Variants in IVD observed in about 807,000 individuals in gnomAD.
IVD encodes isovaleryl-CoA dehydrogenase, mitochondrial.
Under a neutral mutation model 51.3 loss-of-function variants are expected in IVD, and 31 were observed. The ratio of observed to expected loss-of-function variants is 0.60; its 90% confidence interval spans 0.45 to 0.81. IVD has a LOEUF of 0.81. Ranked by LOEUF, IVD falls within the 40% of genes least tolerant of loss-of-function variation. The pLI is 0.00. For missense variants in IVD, 475 were observed against 552.0 expected, an observed-to-expected ratio of 0.86 and a Z score of 1.40; for synonymous variants, 205 against 219.4, an observed-to-expected ratio of 0.93 and a Z score of 0.58.
At position 40,418,833 on chromosome 15, in the gene IVD, A is replaced by T. The variant is rs1237552427; in HGVS notation, c.*570A>T. 3.0e-6 allele frequency: 3 copies of T among 983,816 alleles called. No individual in the cohort carries two copies. Among genetic ancestry groups the T allele is most frequent in the Non-Finnish European group, 3.8e-6 (3 of 792,372 alleles). 60.9% of individuals were successfully genotyped at this position (983,816 alleles called of 1,614,324 possible). ...TTTCAGTCTCTTTTCTGGGGGAAAA[A>T]AATAATAAACCTAGCCTAGCCAGGC... is the stretch of plus-strand genomic sequence containing the variant. On this transcript the variant is annotated 3_prime_UTR_variant, in exon 12 of 12. Coordinates refer to ENST00000487418, the MANE Select transcript of IVD (RefSeq NM_002225.5).
Position 40,435,426 on chromosome 15 carries a change from TTTCC to T in IVD, c.791_794del (p.Phe264LeufsTer21), listed in dbSNP as rs1186909972. The T allele has an allele frequency of 2.5e-6, 3 of 1,208,334 alleles. No individual in the cohort carries two copies. In the Admixed American group the frequency reaches 8.0e-5, roughly 32 times the overall value. 74.9% of individuals were successfully genotyped at this position (1,208,334 alleles called of 1,614,324 possible). A position where few individuals can be genotyped will look rare whatever the true frequency, so the allele number is the denominator to read the frequency against. ...GCTCTCTTTCCCCTAGGGCAGACCTTTTCCGCCCAACACCCACCTGGGAGGGAGG... is the reference window on the plus strand; with the variant it reads ...GCTCTCTTTCCCCTAGGGCAGACCTTGCCCAACACCCACCTGGGAGGGAGG... On this transcript the variant is annotated frameshift_variant, in exon 9 of 9. Coordinates refer to the IVD transcript ENST00000473112. LOFTEE classifies it low-confidence loss of function (END_TRUNC).
intron 6 of IVD, 145 bp from the exon 7 acceptor site, chr15:40,412,846 G>C: frequency 1.5e-6 from 1 of 685,736 alleles, no homozygotes; most frequent in Non-Finnish European, 2.6e-6. Context: ...AGGTCCCGGG[G>C]GGAGCATGGG....
intron 6 of IVD, chr15:40,412,790 C>G: frequency 3.4e-6 from 2 of 587,236 alleles, no homozygotes; most frequent in Non-Finnish European, 6.1e-6. Flanking sequence ...AGAACACAAG[C>G]TAGTGGCAGA....
downstream of IVD, among the ~76,000 whole-genome samples, chr15:40,423,607 G>A (rs1200354527): frequency 6.6e-6 from 1 of 152,098 alleles, no homozygotes; most frequent in Non-Finnish European, 1.5e-5. Context: ...GACTACAGGT[G>A]CACACCACCA....
In IVD at chr15:40,414,941, G is replaced by A. The variant is rs754853734; in HGVS notation, c.837G>A (p.Gly279=). ...AGGGTGTCTACGTGCTGATGAGTGG[G>A]CTGGACCTGGAGCGGCTGGTGCTGG... The part of the protein sequence containing the change: ...ENKGVYVLMS[G]LDLERLVLAG... Residue 279 remains glycine (G), a synonymous_variant, in exon 8 of 12, where the codon GGG becomes GGA. Coordinates refer to ENST00000487418, the MANE Select transcript of IVD (RefSeq NM_002225.5). 3 of 1,614,146 alleles carry A rather than the reference G, an allele frequency of 1.9e-6. No individual in the cohort carries two copies. The highest frequency in any genetic ancestry group is 2.2e-5 in the South Asian group (2 of 91,086).
intron 1 of IVD, among the ~76,000 whole-genome samples, chr15:40,406,867 T>C (rs1034757345): frequency 6.7e-6 from 1 of 149,916 alleles, no homozygotes; most frequent in Admixed American, 6.6e-5. Flanking sequence ...CTTTTTTCTT[T>C]TTTTTTTTTT....
At chr15:40,415,880 T>A (rs1891615057) in intron 9 of IVD, among the ~76,000 whole-genome samples, 198 bp from the exon 10 acceptor site, 1 of 152,204 alleles carries the variant, frequency 6.6e-6, no homozygotes, top group Non-Finnish European at 1.5e-5. Context: ...CTTCGGGGTG[T>A]CATGCGGGCT....
At position 40,415,398 on chromosome 15, in the gene IVD, C is replaced by T; in HGVS notation, c.879-3C>T. The T allele has an allele frequency of 1.9e-6, 3 of 1,613,902 alleles. No individual in the cohort carries two copies. The highest frequency in any genetic ancestry group is 2.5e-6 in the Non-Finnish European group (3 of 1,179,760). ...CCCACGGGGCCTTTCTCCTTTCTGA[C>T]AGGCTCATGCAAGCGGTCCTGGACC... On this transcript the variant is annotated splice_polypyrimidine_tract_variant and splice_region_variant and intron_variant, in intron 8 of 11. Coordinates refer to ENST00000487418, the MANE Select transcript of IVD (RefSeq NM_002225.5).
At chr15:40,416,856 G>A (rs1398297109) in intron 11 of IVD, among the ~76,000 whole-genome samples, 1 of 152,096 alleles carries the variant, frequency 6.6e-6, no homozygotes, top group Middle Eastern at 3.2e-3. Flanking sequence ...TGCTGCCTTC[G>A]GCAACACCCC....
chr15:40,435,583 G>A, downstream of IVD: 1 of 1,134,818 alleles, frequency 8.8e-7, no homozygotes, highest in Non-Finnish European at 1.1e-6. Context: ...TCTCAGACCA[G>A]AAGCTTCCTT....
intron 7 of IVD, among the ~76,000 whole-genome samples, chr15:40,431,150 T>C (rs1258929265): frequency 6.6e-6 from 1 of 151,840 alleles, no homozygotes; most frequent in Non-Finnish European, 1.5e-5. Context: ...TTGTCTTTTT[T>C]TTTCTTCCTT....
chr15:40,435,850 C>T, downstream of IVD: 1 of 304,152 alleles, frequency 3.3e-6, no homozygotes, highest in Non-Finnish European at 4.8e-6. Context: ...GGAACGTCCC[C>T]GCACCTCACC....
intron 8 of IVD, chr15:40,435,336 A>C: frequency 9.8e-5 from 91 of 930,468 alleles, no homozygotes; most frequent in South Asian, 1.3e-4. Flanking sequence ...CCCCGGGGAA[A>C]GAGATGGTAG....
intron 3 of IVD, 77 bp from the exon 4 acceptor site, chr15:40,410,551 A>C (rs1005754122): frequency 7.7e-6 from 12 of 1,552,504 alleles, no homozygotes; most frequent in Non-Finnish European, 1.1e-5. Flanking sequence ...TTCTGCCGTC[A>C]AATGTAAGAT....
chr15:40,428,756 C>G (rs1892810228), downstream of IVD, among the ~76,000 whole-genome samples: 1 of 152,210 alleles, frequency 6.6e-6, no homozygotes, highest in Non-Finnish European at 1.5e-5. Flanking sequence ...GGCAAGAGCC[C>G]TGGAAGTGCC....
At chr15:40,421,660 C>T (rs1892309016), downstream of IVD, among the ~76,000 whole-genome samples, 1 of 152,220 alleles carries the variant, frequency 6.6e-6, no homozygotes, top group Admixed American at 6.5e-5. Context: ...GCAAGGCAAT[C>T]TTCTACAACC....
At chr15:40,411,214 G>A in intron 4 of IVD, 46 bp from the exon 5 acceptor site, 1 of 1,572,892 alleles carries the variant, frequency 6.4e-7, no homozygotes, top group Non-Finnish European at 8.8e-7. Context: ...GCTGCTCTAG[G>A]GTACTCTGAG....
Position 40,415,151 on chromosome 15 carries a change from C to T in IVD, c.878+169C>T, listed in dbSNP as rs1891520655. The T allele has an allele frequency of 1.2e-5, 10 of 825,524 alleles. No individual in the cohort carries two copies. In the South Asian group the frequency reaches 1.7e-4, roughly 14 times the overall value. The allele number at this position is 825,524 out of a possible 1,614,324, so 51.1% of individuals were successfully genotyped here. A position where few individuals can be genotyped will look rare whatever the true frequency, so the allele number is the denominator to read the frequency against. ...TCCTCTTCCCATGTTGAATTTCTTC[C>T]CACAGTGGGGAAATATCATTAAGTA... On this transcript the variant is annotated intron_variant, in intron 8 of 11. Transcript: ENST00000487418.
At chr15:40,424,739 A>T (rs1892565628), downstream of IVD, among the ~76,000 whole-genome samples, 1 of 152,210 alleles carries the variant, frequency 6.6e-6, no homozygotes, top group Non-Finnish European at 1.5e-5. Flanking sequence ...CTTAGCTCAC[A>T]TTTTGCTGGT....
Sources: allele counts gnomAD v4.1 joint callset (sites outside exome capture counted in the v4.1 genomes callset), GRCh38; gene constraint gnomAD v4.1.1; transcripts MANE v1.5; gene names NCBI Gene and HGNC (gene_info 2026-07-23, HGNC 2026-07-21).